Variants in SLCO5A1 observed in about 807,000 individuals in gnomAD.
SLCO5A1 encodes the protein organic anion transporter polypeptide-related protein 4.
Under a neutral mutation model 65.1 loss-of-function variants are expected in SLCO5A1, and 39 were observed. The observed-to-expected ratio is 0.60, with a 90% CI of 0.46 to 0.78. The LOEUF (loss-of-function observed/expected upper bound fraction) is 0.78, where lower values mean the gene tolerates loss of function less well. SLCO5A1 is among the 30% of genes least tolerant of loss of function. The pLI is 0.00. For synonymous variants in SLCO5A1, 438 were observed against 415.7 expected (o/e 1.05, Z -0.65); for missense variants, 1,029 against 1,069.4 (o/e 0.96, Z 0.53).
At chr8:69,759,900 CA>C (rs1817691820) in intron 3 of SLCO5A1, among the ~76,000 whole-genome samples, 1 of 152,218 alleles carries the variant, frequency 6.6e-6, no homozygotes, top group African/African-American at 2.4e-5. Context: ...CCACCTGCCT[CA>C]GCCTCCCAAA....
intron 2 of SLCO5A1, among the ~76,000 whole-genome samples, chr8:69,803,802 C>T (rs1270629983): frequency 6.6e-6 from 1 of 152,100 alleles, no homozygotes; most frequent in Admixed American, 6.6e-5. Flanking sequence ...ACCTGGGCAA[C>T]ATAGCAAGAT....
intron 5 of SLCO5A1, 91 bp downstream of exon 5, chr8:69,737,949 C>T: frequency 7.1e-7 from 1 of 1,402,440 alleles, no homozygotes; most frequent in Non-Finnish European, 9.7e-7. Flanking sequence ...TAGCTTAACA[C>T]TTCGATGTTA....
chr8:69,750,026 G>A (rs1460752471), intron 4 of SLCO5A1, among the ~76,000 whole-genome samples: 3 of 152,172 alleles, frequency 2.0e-5, no homozygotes, highest in Non-Finnish European at 2.9e-5. Context: ...AGACTCTCTG[G>A]CACGTTTGAG....
chr8:69,781,908 C>T (rs1818814060), intron 2 of SLCO5A1, among the ~76,000 whole-genome samples: 2 of 152,182 alleles, frequency 1.3e-5, no homozygotes, highest in Admixed American at 6.5e-5. Flanking sequence ...CTGCCTGCCT[C>T]AGCCTTGCAT....
intron 6 of SLCO5A1, among the ~76,000 whole-genome samples, chr8:69,693,066 G>A (rs536208715): frequency 7.2e-5 from 11 of 152,086 alleles, no homozygotes; most frequent in Non-Finnish European, 1.6e-4. Flanking sequence ...ATTGCACTTC[G>A]ACCTTATGAC....
At chr8:69,817,403 C>T (rs1820451490) in intron 2 of SLCO5A1, among the ~76,000 whole-genome samples, 1 of 152,196 alleles carries the variant, frequency 6.6e-6, no homozygotes, top group African/African-American at 2.4e-5. Flanking sequence ...GAACACTTGG[C>T]TTGCTTCCGC....
chr8:69,672,927 C>G lies in SLCO5A1; in HGVS notation c.2489G>C (p.Ser830Thr), dbSNP rs1233054986. 3.7e-6 allele frequency: 6 copies of G among 1,614,234 alleles called. No homozygotes were observed. In the Admixed American group the frequency reaches 1.0e-4, roughly 27 times the overall value. Residue 830 changes from serine (S) to threonine (T), a missense_variant, in exon 10 of 10, where the codon AGT (serine) becomes ACT (threonine). Ser to Thr is a moderately conservative substitution (Grantham distance 58). Transcript: ENST00000260126. ...TYPGPFPEAISSSADPGLEES... is the reference protein window; with the variant it reads ...TYPGPFPEAITSSADPGLEES... Reference sequence around the variant, plus strand: ...TTCCAGCCCCGGGTCCGCAGAGGAACTTATTGCTTCTGGGAAGGGCCCCGG... The same window carrying G: ...TTCCAGCCCCGGGTCCGCAGAGGAAGTTATTGCTTCTGGGAAGGGCCCCGG...
intron 4 of SLCO5A1, among the ~76,000 whole-genome samples, chr8:69,752,436 TAA>T (rs5892216): frequency 4.1e-5 from 6 of 146,708 alleles, no homozygotes; most frequent in Admixed American, 6.8e-5. Context: ...TCAGCTTTGT[TAA>T]AAAAAAAAAA....
Position 69,832,329 on chromosome 8 carries a change from C to A in SLCO5A1, c.345G>T (p.Gln115His). 6.2e-7 allele frequency: 1 copy of A among 1,614,208 alleles called. No homozygotes were observed. Among genetic ancestry groups the A allele is most frequent in the African/African-American group, 1.3e-5 (1 of 75,048 alleles). The stretch of plus-strand genomic sequence containing the variant: ...GGACCACGTAGAGGCACCTTCTCTC[C>A]TGGAGCATGGCCAAGGCGGAGGACA... ...FSVSSALAML[Q>H]ERRCLYVVLT... The change falls in exon 2 of 10, where the codon CAG becomes CAT. Residue 115 changes from glutamine (Q) to histidine (H), a missense_variant. Physicochemically the swap from Gln to His is conservative, Grantham distance 24. This residue lies in a region of SLCO5A1 where 647 missense variants were observed against 647.5 expected (regional missense o/e 1.00). Coordinates refer to ENST00000260126, the MANE Select transcript of SLCO5A1 (RefSeq NM_030958.3). The surrounding 1 kb of genome is among the most constrained non-coding windows in gnomAD (Gnocchi z 4.5).
chr8:69,771,771 C>T (rs1036110425), intron 2 of SLCO5A1, among the ~76,000 whole-genome samples: 4 of 152,184 alleles, frequency 2.6e-5, no homozygotes, highest in African/African-American at 9.7e-5. Flanking sequence ...AGAGTTAATT[C>T]TCTCCAGGAC....
chr8:69,742,794 CTTTTTTTTTTTT>C (rs10633803), intron 4 of SLCO5A1, among the ~76,000 whole-genome samples: 1 of 83,194 alleles, frequency 1.2e-5, no homozygotes, highest in Middle Eastern at 0.013. Flanking sequence ...TGAGTGGATT[CTTTTTTTTTTTT>C]TTTTTTTTTT....
chr8:69,828,398 T>G (rs879574835), intron 2 of SLCO5A1, among the ~76,000 whole-genome samples: 16 of 151,936 alleles, frequency 1.1e-4, no homozygotes, highest in African/African-American at 2.9e-4. Flanking sequence ...GTCAGGAGAT[T>G]GAGACCATCC....
At chr8:69,767,429 A>G (rs1818107834) in intron 2 of SLCO5A1, among the ~76,000 whole-genome samples, 1 of 152,194 alleles carries the variant, frequency 6.6e-6, no homozygotes, top group South Asian at 2.1e-4. Context: ...CTCAGCTCCA[A>G]TTCTCAACAA....
chr8:69,831,807 T>C lies in SLCO5A1; in HGVS notation c.867A>G (p.Leu289=), dbSNP rs751004806. 1.3e-5 allele frequency: 21 copies of C among 1,614,004 alleles called. No homozygotes were observed. The highest frequency in any genetic ancestry group is 1.7e-5 in the Non-Finnish European group (20 of 1,180,040). ...AGTTTTCTTTCTTGACATTGTCATC[T>C]AAGTAGGTTGGTCCCAGGGTATAAA... ...TPIYTLGPTY[L]DDNVKKENSS... The change falls in exon 2 of 10, where the codon TTA becomes TTG. Residue 289 remains leucine, a synonymous_variant. Coordinates refer to ENST00000260126, the MANE Select transcript of SLCO5A1 (RefSeq NM_030958.3).
chr8:69,683,688 G>T (rs1357575384), intron 6 of SLCO5A1, among the ~76,000 whole-genome samples: 1 of 151,636 alleles, frequency 6.6e-6, no homozygotes, highest in Non-Finnish European at 1.5e-5. Context: ...TCAGCCTCCC[G>T]AGTGGCTGGG....
intron 2 of SLCO5A1, among the ~76,000 whole-genome samples, chr8:69,798,345 A>G (rs1819587560): frequency 6.6e-6 from 1 of 152,158 alleles, no homozygotes; most frequent in African/African-American, 2.4e-5. Flanking sequence ...GGTAATTTAT[A>G]AAGAAAAGAG....
At chr8:69,677,355 C>T (rs776199940) in intron 8 of SLCO5A1, among the ~76,000 whole-genome samples, 7 of 152,038 alleles carry the variant, frequency 4.6e-5, no homozygotes, top group Non-Finnish European at 7.3e-5. Flanking sequence ...AGCCAACTGG[C>T]GATTTGCCAT....
chr8:69,787,328 A>C (rs1819074897), intron 2 of SLCO5A1, among the ~76,000 whole-genome samples: 1 of 152,210 alleles, frequency 6.6e-6, no homozygotes, highest in Non-Finnish European at 1.5e-5. Context: ...GTTGCAATTG[A>C]GTAGTGTCCG....
intron 4 of SLCO5A1, among the ~76,000 whole-genome samples, chr8:69,751,973 G>A (rs1291515375): frequency 6.6e-6 from 1 of 152,200 alleles, no homozygotes; most frequent in Non-Finnish European, 1.5e-5. Flanking sequence ...GCTCACACCT[G>A]TAATCCCAGC....
Sources: gnomAD v4.1 joint callset for allele counts (sites outside exome capture counted in the v4.1 genomes callset) on GRCh38, gnomAD v4.1.1 for gene constraint, gnomAD v4.1.1 regional missense constraint, Gnocchi (gnomAD v3.1) non-coding constraint, MANE v1.5 for transcripts, NCBI Gene and HGNC (gene_info 2026-07-23, HGNC 2026-07-21) for gene names.